The following ZNF462 variants were observed in gnomAD, a reference collection of about 807,000 sequenced individuals.
The protein encoded by ZNF462 is zinc finger PBX1-interacting protein.
Under a neutral mutation model 201.9 loss-of-function variants are expected in ZNF462, and 10 were observed. The ratio of observed to expected loss-of-function variants is 0.05; its 90% CI spans 0.03 to 0.08. The LOEUF (loss-of-function observed/expected upper bound fraction) is 0.08. Among genes scored for constraint, ZNF462 ranks in the 10% least tolerant of loss-of-function variants. The pLI is 1.00. For synonymous variants in ZNF462, 1,227 were observed against 1,193.3 expected (o/e 1.03, Z -0.58); for missense variants, 2,523 against 3,168.3 (o/e 0.80, Z 4.89).
At chr9:106,971,205 TA>T (rs113036077) in intron 7 of ZNF462, among the ~76,000 whole-genome samples, 71 of 151,852 alleles carry the variant, frequency 4.7e-4, no homozygotes, top group African/African-American at 1.6e-3. Flanking sequence ...ATTTTTTTTT[TA>T]AATTTGGTTG....
In ZNF462 at chr9:106,886,182, T is replaced by G. The variant is rs1828308463; in HGVS notation, c.-31+22827T>G. Among the ~76,000 whole-genome samples the G allele has an allele frequency of 6.6e-6, 1 of 152,180 alleles. No individual in the cohort carries two copies. Among genetic ancestry groups the G allele is most frequent in the Non-Finnish European group, 1.5e-5 (1 of 68,014 alleles). ...TAATGACTCATTGAGCACTACTGAC[T>G]TAGTAAAAAAGAAAAGTAGGGGTGG... On this transcript the variant is annotated intron_variant, in intron 1 of 12. Coordinates refer to ENST00000277225, the MANE Select transcript of ZNF462 (RefSeq NM_021224.6). This position sits in a 1 kb window ranked among gnomAD's most constrained non-coding sequence, Gnocchi z 4.6.
At position 106,925,113 on chromosome 9, in the gene ZNF462, T is replaced by C. The variant is rs1564103273; in HGVS notation, c.1201T>C (p.Leu401=). The C allele has an allele frequency of 6.2e-7, 1 of 1,614,144 alleles. No individual in the cohort carries two copies. The highest frequency in any genetic ancestry group is 8.5e-7 in the Non-Finnish European group (1 of 1,180,034). The stretch of plus-strand genomic sequence containing the variant: ...AAATGAAATAGACAGTGAGAATGGT[T>C]TAAGTGCTATGGATCACCAGACATC... ...ELNEIDSENG[L]SAMDHQTSGL... The change falls in exon 3 of 13, where the codon TTA becomes CTA. Residue 401 remains leucine (L), a synonymous_variant. Coordinates refer to ENST00000277225, the MANE Select transcript of ZNF462 (RefSeq NM_021224.6). This position sits in a 1 kb window ranked among gnomAD's most constrained non-coding sequence, Gnocchi z 7.9.
chr9:107,011,299 A>G lies in ZNF462; in HGVS notation c.*269A>G, dbSNP rs1331776437. On this transcript the variant is annotated 3_prime_UTR_variant, in exon 13 of 13. Transcript: ENST00000277225. This position sits in a 1 kb window ranked among gnomAD's most constrained non-coding sequence, Gnocchi z 5.6. ...ATGGAAGTTTCATTTGTTGCGGAAT[A>G]TGGAAGCACCTCCCAATGGTACGGT... 2 of 412,524 alleles carry G rather than the reference A, an allele frequency of 4.8e-6. No homozygotes were observed. The highest frequency in any genetic ancestry group is 2.3e-5 in the South Asian group (1 of 42,638). The allele number at this position is 412,524 out of a possible 1,614,324, so 25.6% of individuals were successfully genotyped here.
Position 106,930,546 on chromosome 9 carries a change from G to A in ZNF462, c.5869G>A (p.Val1957Met), listed in dbSNP as rs1564112423. 4 of 1,614,110 alleles carry A rather than the reference G, an allele frequency of 2.5e-6. No individual in the cohort carries two copies. The highest frequency in any genetic ancestry group is 3.4e-6 in the Non-Finnish European group (4 of 1,180,022). ...CCAGCCTTTTGGTCACTTAGAAGAG[G>A]TGCCAAAGATCAAGGAGAGGAAAGT... ...QERPFGHLEE[V>M]PKIKERKVVG... The change falls in exon 4 of 13, where the codon GTG becomes ATG. Residue 1957 changes from valine (V) to methionine (M), a missense_variant. By Grantham distance (21) the Val-to-Met change is conservative. Coordinates refer to ENST00000277225, the MANE Select transcript of ZNF462 (RefSeq NM_021224.6). This position sits in a 1 kb window ranked among gnomAD's most constrained non-coding sequence, Gnocchi z 5.8.
chr9:106,967,875 T>A (rs1383149802), intron 7 of ZNF462, among the ~76,000 whole-genome samples: 2 of 152,228 alleles, frequency 1.3e-5, no homozygotes, highest in Non-Finnish European at 2.9e-5. Flanking sequence ...TTTCTCTTTT[T>A]GAGTCTTGCT....
chr9:106,979,575 A>C (rs2132174328), intron 9 of ZNF462: 1 of 151,550 alleles, frequency 6.6e-6, no homozygotes, highest in African/African-American at 2.4e-5. Flanking sequence ...TGGAGGAGAA[A>C]GCTCTAGCAT....
Position 106,925,068 on chromosome 9 carries a change from T to C in ZNF462, c.1156T>C (p.Ser386Pro), listed in dbSNP as rs1830136221. The C allele has an allele frequency of 1.2e-6, 2 of 1,614,050 alleles. No homozygotes were observed. Among genetic ancestry groups the C allele is most frequent in the African/African-American group, 1.3e-5 (1 of 74,910 alleles). ...GGAAACTAACAGCATGCTAAATGAC[T>C]CTAGTTCTGATGAAGAGTTAAATGA... is the stretch of plus-strand genomic sequence containing the variant. Reference protein sequence around the residue: ...DLETNSMLNDSSSDEELNEID... With the variant: ...DLETNSMLNDPSSDEELNEID... The change falls in exon 3 of 13, where the codon TCT becomes CCT. Residue 386 changes from serine to proline, a missense_variant. By Grantham distance (74) the Ser-to-Pro change is moderately conservative. This residue lies in a region of ZNF462 where 480 missense variants were observed against 544.4 expected (regional missense o/e 0.88). Coordinates refer to ENST00000277225, the MANE Select transcript of ZNF462 (RefSeq NM_021224.6). The surrounding 1 kb of genome is among the most constrained non-coding windows in gnomAD (Gnocchi z 7.9).
intron 1 of ZNF462, among the ~76,000 whole-genome samples, chr9:106,884,194 G>T (rs1002431298): frequency 2.0e-5 from 3 of 152,190 alleles, no homozygotes; most frequent in Non-Finnish European, 4.4e-5. Context: ...ATTAGGTCTA[G>T]GGTAGGAGCC....
At chr9:106,941,351 C>G (rs1830862167) in intron 7 of ZNF462, among the ~76,000 whole-genome samples, 1 of 152,160 alleles carries the variant, frequency 6.6e-6, no homozygotes, top group Non-Finnish European at 1.5e-5. Flanking sequence ...AGCCTCAGGC[C>G]TAATCTATTT....
At chr9:106,922,042 T>C (rs1252321524) in intron 1 of ZNF462, among the ~76,000 whole-genome samples, 4 of 152,246 alleles carry the variant, frequency 2.6e-5, no homozygotes, top group African/African-American at 9.6e-5. Context: ...CATTCTTTGA[T>C]AGAAAATCCT....
At chr9:106,916,641 C>G (rs1309263443) in intron 1 of ZNF462, among the ~76,000 whole-genome samples, 6 of 152,270 alleles carry the variant, frequency 3.9e-5, no homozygotes, top group African/African-American at 1.4e-4. Flanking sequence ...CAAGGAACTT[C>G]CTGGTGAACC....
intron 1 of ZNF462, among the ~76,000 whole-genome samples, chr9:106,878,080 T>A (rs1489230892): frequency 6.6e-6 from 1 of 152,200 alleles, no homozygotes; most frequent in Non-Finnish European, 1.5e-5. Context: ...CTTGCTTATT[T>A]GTGACTACAG....
rs1830371509 is a variant in ZNF462, at chr9:106,930,283, T to G, written c.5848-242T>G. 6.6e-6 allele frequency among the ~76,000 whole-genome samples: 1 copy of G among 152,190 alleles called. No homozygotes were observed. Among genetic ancestry groups the G allele is most frequent in the Non-Finnish European group, 1.5e-5 (1 of 68,034 alleles). The stretch of plus-strand genomic sequence containing the variant: ...TGACTTAGTGGCAGTGACGATGAGC[T>G]TCTGCACAGAAATCTTCTCTACTCA... On this transcript the variant is annotated intron_variant, in intron 3 of 12. Transcript: ENST00000277225. This position sits in a 1 kb window ranked among gnomAD's most constrained non-coding sequence, Gnocchi z 5.8.
chr9:106,971,522 A>G (rs1826613499), intron 7 of ZNF462, among the ~76,000 whole-genome samples: 1 of 151,960 alleles, frequency 6.6e-6, no homozygotes, highest in Non-Finnish European at 1.5e-5. Context: ...TGCATTCCCC[A>G]AATCTGTGTT....
rs186247346 is a variant in ZNF462 at position 107,007,950 on chromosome 9, G to A, written c.7190-1595G>A. 9.6e-4 allele frequency among the ~76,000 whole-genome samples: 146 copies of A among 152,248 alleles called. 2 individuals are homozygous for A. Among genetic ancestry groups the A allele is most frequent in the African/African-American group, 3.5e-3 (144 of 41,554 alleles). On this transcript the variant is annotated intron_variant, in intron 11 of 12. Coordinates refer to ENST00000277225, the MANE Select transcript of ZNF462 (RefSeq NM_021224.6). ...TTGTTGGCAATTTAGACTTTTATCAGACACCCTCAGTTTAGGGGGTTCACA... is the reference window on the plus strand; with the variant it reads ...TTGTTGGCAATTTAGACTTTTATCAAACACCCTCAGTTTAGGGGGTTCACA...
At chr9:106,958,390 C>A (rs1442217232) in intron 7 of ZNF462, among the ~76,000 whole-genome samples, 1 of 152,058 alleles carries the variant, frequency 6.6e-6, no homozygotes, top group Non-Finnish European at 1.5e-5. Flanking sequence ...TGGGATCATT[C>A]CTCACCACTT....
At chr9:106,956,203 T>C (rs1026960717) in intron 7 of ZNF462, among the ~76,000 whole-genome samples, 4 of 152,188 alleles carry the variant, frequency 2.6e-5, no homozygotes, top group Non-Finnish European at 5.9e-5. Flanking sequence ...AAATGGAAAT[T>C]ACTCCTTGAT....
At chr9:106,943,051 T>TGC (rs757008438) in intron 7 of ZNF462, among the ~76,000 whole-genome samples, 2,163 of 145,406 alleles carry the variant, frequency 0.015, 32 homozygotes, top group African/African-American at 0.044. Flanking sequence ...AGTTTTGTTT[T>TGC]GCGCGCGCGT....
At chr9:106,986,073 T>C (rs188519548) in intron 10 of ZNF462, among the ~76,000 whole-genome samples, 1 of 152,330 alleles carries the variant, frequency 6.6e-6, no homozygotes, top group East Asian at 1.9e-4. Flanking sequence ...GACCTTTTTA[T>C]TACAGTGTTT....
Sources: gnomAD v4.1 joint callset for allele counts (sites outside exome capture counted in the v4.1 genomes callset) on GRCh38, gnomAD v4.1.1 for gene constraint, gnomAD v4.1.1 regional missense constraint, Gnocchi (gnomAD v3.1) non-coding constraint, MANE v1.5 for transcripts, NCBI Gene and HGNC (gene_info 2026-07-23, HGNC 2026-07-21) for gene names.